The following KIAA0753 variants were observed in gnomAD, a reference collection of about 807,000 sequenced individuals.
KIAA0753 encodes KIAA0753.
Under a neutral mutation model 116.9 loss-of-function variants are expected in KIAA0753, and 114 were observed. The observed-to-expected ratio is 0.98, with a 90% confidence interval of 0.84 to 1.14. The LOEUF (loss-of-function observed/expected upper bound fraction) is 1.14, where lower values mean the gene tolerates loss of function less well. Ranked by LOEUF, KIAA0753 falls within the 50% of genes most tolerant of loss-of-function variation. The pLI, the probability that KIAA0753 is intolerant of heterozygous loss-of-function variation, is 0.00. For missense variants in KIAA0753, 1,156 were observed against 1,172.4 expected, an observed-to-expected ratio of 0.99 and a Z score of 0.20; for synonymous variants, 405 against 413.1, an observed-to-expected ratio of 0.98 and a Z score of 0.24.
chr17:6,637,030 C>CTG (rs1831392339), intron 1 of KIAA0753: 1 of 152,416 alleles, frequency 6.6e-6, no homozygotes, highest in Admixed American at 6.5e-5. Flanking sequence ...GCTCCATAAC[C>CTG]TGGCCCCAGG....
At chr17:6,617,589 C>A (rs146622683) in intron 7 of KIAA0753, among the ~76,000 whole-genome samples, 2,666 of 152,276 alleles carry the variant, frequency 0.018, 40 homozygotes, top group Non-Finnish European at 0.024. Context: ...TGACACAGAG[C>A]TCTTATCCCT....
At chr17:6,634,889 G>GA (rs1249989747) in intron 2 of KIAA0753, 122 bp downstream of exon 2, 1 of 687,082 alleles carries the variant, frequency 1.5e-6, no homozygotes, top group Non-Finnish European at 2.5e-6. Flanking sequence ...TAGAAAAACA[G>GA]AAAAAATTGT....
intron 1 of KIAA0753, 78 bp from the exon 2 acceptor site, chr17:6,635,249 A>G: frequency 1.7e-6 from 1 of 582,466 alleles, no homozygotes; most frequent in South Asian, 2.4e-5. Flanking sequence ...TGCCATGTGC[A>G]TGTAGCAATA....
chr17:6,607,158 C>A, intron 11 of KIAA0753, 23 bp downstream of exon 11: 1 of 1,597,186 alleles, frequency 6.3e-7, no homozygotes, highest in Non-Finnish European at 8.6e-7. Flanking sequence ...TTACCTTTTC[C>A]TAACTCAGAA....
At chr17:6,586,803 A>G (rs183870337) in intron 18 of KIAA0753, among the ~76,000 whole-genome samples, 29 of 152,348 alleles carry the variant, frequency 1.9e-4, no homozygotes, top group Admixed American at 1.8e-3. Flanking sequence ...CTTCAGGTAT[A>G]AAGAGGAATA....
chr17:6,603,579 T>C (rs928908221), intron 12 of KIAA0753, among the ~76,000 whole-genome samples: 2 of 152,210 alleles, frequency 1.3e-5, no homozygotes, highest in Non-Finnish European at 2.9e-5. Context: ...ACATTAAATA[T>C]ATGCAAACAT....
intron 3 of KIAA0753, among the ~76,000 whole-genome samples, chr17:6,626,591 G>A (rs1016056288): frequency 6.6e-6 from 1 of 152,072 alleles, no homozygotes; most frequent in Non-Finnish European, 1.5e-5. Context: ...GCTGTCTACA[G>A]AGCAGCACTG....
chr17:6,615,664 T>G (rs1159176721), intron 7 of KIAA0753, among the ~76,000 whole-genome samples: 1 of 150,388 alleles, frequency 6.6e-6, no homozygotes, highest in Non-Finnish European at 1.5e-5. Context: ...AGTCTGTAAT[T>G]TATTTAACTC....
chr17:6,608,141 G>GA (rs1970308856), intron 10 of KIAA0753, among the ~76,000 whole-genome samples: 1 of 152,076 alleles, frequency 6.6e-6, no homozygotes, highest in Non-Finnish European at 1.5e-5. Flanking sequence ...GAATGAATAA[G>GA]AAAAAATAGA....
intron 17 of KIAA0753, 46 bp from the exon 18 acceptor site, chr17:6,590,049 G>T: frequency 7.2e-7 from 1 of 1,385,990 alleles, no homozygotes; most frequent in Non-Finnish European, 9.8e-7. Flanking sequence ...TCATCTGTAA[G>T]CAAGACTAAA....
In KIAA0753 at chr17:6,623,083, A is replaced by C. The variant is rs1363445710; in HGVS notation, c.903T>G (p.Ser301=). 9 of 1,613,236 alleles carry C rather than the reference A, an allele frequency of 5.6e-6. No individual in the cohort carries two copies. The highest frequency in any genetic ancestry group is 7.6e-6 in the Non-Finnish European group (9 of 1,179,882). Residue 301 remains serine, a synonymous_variant, in exon 6 of 19, where the codon TCT becomes TCG. Transcript: ENST00000361413. The part of the protein sequence containing the change: ...IKHTKKSWAM[S]KLAAAHRGAI... Reference sequence around the variant, plus strand: ...CTCCTCGATGGGCAGCCGCCAGCTTAGACATTGCCCATGACTGGTAATAAA... The same window carrying C: ...CTCCTCGATGGGCAGCCGCCAGCTTCGACATTGCCCATGACTGGTAATAAA...
rs189105609 is a variant in KIAA0753, at chr17:6,596,220, C to T, written c.2296G>A (p.Val766Ile). ...TCTGGGCTATCCTTGCTGTCCTCAA[C>T]GGTGGCTAAGGTTTCAGACCCCAAG... ...KILGSETLAT[V>I]EDSKDSPDLE... is the part of the protein sequence containing the mutation. The change falls in exon 15 of 19, where the codon GTT becomes ATT. Residue 766 changes from valine to isoleucine, a missense_variant. Val to Ile is a conservative substitution (Grantham distance 29). Coordinates refer to ENST00000361413, the MANE Select transcript of KIAA0753 (RefSeq NM_014804.3). The T allele has an allele frequency of 8.6e-5, 139 of 1,613,908 alleles. No homozygotes were observed. The African/African-American group carries it at 1.0e-3, about 12-fold the overall frequency.
At chr17:6,602,356 G>C (rs72835748) in intron 12 of KIAA0753, among the ~76,000 whole-genome samples, 12,887 of 152,220 alleles carry the variant, frequency 0.085, 599 homozygotes, top group Non-Finnish European at 0.11. Context: ...ACTATAAATG[G>C]GAAAGCCCAA....
At position 6,628,705 on chromosome 17, in the gene KIAA0753, A is replaced by T; in HGVS notation, c.130T>A (p.Ser44Thr). The T allele has an allele frequency of 6.2e-7, 1 of 1,612,680 alleles. No homozygotes were observed. The highest frequency in any genetic ancestry group is 8.5e-7 in the Non-Finnish European group (1 of 1,179,368). The change falls in exon 3 of 19, where the codon TCA becomes ACA. Residue 44 changes from serine to threonine, a missense_variant. Transcript: ENST00000361413. Reference protein sequence around the residue: ...LQFNRNVPTHSSNLAIRYSCP... With the variant: ...LQFNRNVPTHTSNLAIRYSCP... ...GAATATCGGATCGCCAAGTTGCTTGAATGTGTAGGAACATTCCTATTAAAC... is the reference window on the plus strand; with the variant it reads ...GAATATCGGATCGCCAAGTTGCTTGTATGTGTAGGAACATTCCTATTAAAC...
chr17:6,627,812 G>A (rs1597593014), intron 3 of KIAA0753, among the ~76,000 whole-genome samples: 1 of 152,332 alleles, frequency 6.6e-6, no homozygotes, highest in East Asian at 1.9e-4. Flanking sequence ...TCAGGTCCCA[G>A]AAGACCTAAG....
chr17:6,617,725 C>T (rs1372112775), intron 7 of KIAA0753, among the ~76,000 whole-genome samples: 1 of 152,176 alleles, frequency 6.6e-6, no homozygotes, highest in Non-Finnish European at 1.5e-5. Context: ...ACTCCCACTC[C>T]CATCCTCCAT....
rs753325728 is a variant in KIAA0753, at chr17:6,612,017, C to T, written c.1447G>A (p.Val483Met). ...GCTTTTGTTTTTGCCACGGCTAACACCTCGTCTTTGAAGCTTGCACTTTGG... is the reference window on the plus strand; with the variant it reads ...GCTTTTGTTTTTGCCACGGCTAACATCTCGTCTTTGAAGCTTGCACTTTGG... ...LDQSASFKDE[V>M]LAVAKTKAGK... Residue 483 changes from valine to methionine, a missense_variant, in exon 8 of 19, where the codon GTG becomes ATG. Coordinates refer to ENST00000361413, the MANE Select transcript of KIAA0753 (RefSeq NM_014804.3). 1.9e-6 allele frequency: 3 copies of T among 1,614,162 alleles called. No individual in the cohort carries two copies. The highest frequency in any genetic ancestry group is 1.1e-5 in the South Asian group (1 of 91,088).
At chr17:6,600,167 C>T (rs112531143) in intron 13 of KIAA0753, among the ~76,000 whole-genome samples, 2 of 152,338 alleles carry the variant, frequency 1.3e-5, no homozygotes, top group African/African-American at 4.8e-5. Context: ...AAAATCTCAA[C>T]TTTCTCAAAA....
chr17:6,620,481 A>C (rs1015710971), intron 7 of KIAA0753, among the ~76,000 whole-genome samples: 1 of 151,698 alleles, frequency 6.6e-6, no homozygotes, highest in African/African-American at 2.4e-5. Context: ...GTGTGTACAT[A>C]TCTCTGTCAT....
Sources: allele counts gnomAD v4.1 joint callset (sites outside exome capture counted in the v4.1 genomes callset), GRCh38; gene constraint gnomAD v4.1.1; transcripts MANE v1.5; gene names NCBI Gene and HGNC (gene_info 2026-07-23, HGNC 2026-07-21).